AKAP13: variants seen among roughly 807,000 people sequenced by gnomAD.
The protein encoded by AKAP13 is A-kinase anchoring protein 13, also known as A-kinase anchor protein 13.
Under a neutral mutation model 264.5 loss-of-function variants are expected in AKAP13, and 80 were observed. The ratio of observed to expected loss-of-function variants is 0.30; its 90% CI spans 0.25 to 0.36. The LOEUF (loss-of-function observed/expected upper bound fraction) is 0.36. AKAP13 is among the 10% of genes least tolerant of loss of function. The pLI is 1.00. For missense variants in AKAP13, 3,712 were observed against 3,435.2 expected (o/e 1.08, Z -2.01); for synonymous variants, 1,380 against 1,250.2 (o/e 1.10, Z -2.19).
At chr15:85,530,169 C>T (rs111917566) in intron 3 of AKAP13, among the ~76,000 whole-genome samples, 4 of 152,252 alleles carry the variant, frequency 2.6e-5, no homozygotes, top group African/African-American at 9.6e-5. Context: ...ACAACCCCCG[C>T]GCCCCAACAC....
intron 1 of AKAP13, among the ~76,000 whole-genome samples, chr15:85,439,742 T>G (rs1414654452): frequency 7.0e-6 from 1 of 142,728 alleles, no homozygotes; most frequent in Non-Finnish European, 1.5e-5. Flanking sequence ...ACACCGCATA[T>G]TCTCACTCAT....
At chr15:85,587,851 T>C (rs1386009789) in intron 8 of AKAP13, among the ~76,000 whole-genome samples, 1 of 152,190 alleles carries the variant, frequency 6.6e-6, no homozygotes, top group East Asian at 1.9e-4. Context: ...TTTTGCCATA[T>C]TGGCCAGGCT....
At chr15:85,546,090 G>A (rs1436967253) in intron 5 of AKAP13, among the ~76,000 whole-genome samples, 1 of 151,960 alleles carries the variant, frequency 6.6e-6, no homozygotes, top group Admixed American at 6.6e-5. Context: ...GTCTTTCTGT[G>A]TCTGTCTTTT....
At chr15:85,677,044 ACT>A (rs2084265641) in intron 14 of AKAP13, 8 of 984,928 alleles carry the variant, frequency 8.1e-6, no homozygotes, top group Admixed American at 6.2e-5. Context: ...TAAGTCTAAA[ACT>A]CTCTTTTCTC....
intron 16 of AKAP13, among the ~76,000 whole-genome samples, chr15:85,690,920 C>G (rs1402813428): frequency 6.6e-6 from 1 of 152,164 alleles, no homozygotes; most frequent in Non-Finnish European, 1.5e-5. Flanking sequence ...GAGATAATAC[C>G]TAGTATTATC....
At chr15:85,635,943 A>G (rs1162421132) in intron 8 of AKAP13, among the ~76,000 whole-genome samples, 1 of 152,156 alleles carries the variant, frequency 6.6e-6, no homozygotes, top group East Asian at 1.9e-4. Context: ...TCTGCTGTTT[A>G]ATATCACCCC....
chr15:85,700,408 G>C (rs1396285433), intron 17 of AKAP13, among the ~76,000 whole-genome samples: 4 of 152,142 alleles, frequency 2.6e-5, no homozygotes, highest in African/African-American at 9.7e-5. Flanking sequence ...TATCAGTGTC[G>C]TATGTGCTAG....
intron 17 of AKAP13, among the ~76,000 whole-genome samples, chr15:85,701,543 G>A (rs897692525): frequency 3.3e-5 from 5 of 152,044 alleles, no homozygotes; most frequent in African/African-American, 1.2e-4. Context: ...AGGTTCAAGC[G>A]ATTCTTCTGC....
Position 85,527,863 on chromosome 15 carries a change from TAG to T in AKAP13, c.182-5717_182-5716del, listed in dbSNP as rs375979299. Among the ~76,000 whole-genome samples the T allele has an allele frequency of 3.9e-5, 6 of 152,368 alleles. No individual in the cohort carries two copies. In the East Asian group the frequency reaches 1.2e-3, roughly 29 times the overall value. ...AAGGAAGAAAAAGACACCAGATTTT[TAG>T]AGACTTTGATGCGAAACTGAAGTAA... On this transcript the variant is annotated intron_variant, in intron 3 of 36. Coordinates refer to ENST00000394518, the MANE Select transcript of AKAP13 (RefSeq NM_007200.5).
At chr15:85,652,709 C>T (rs2082912989) in intron 10 of AKAP13, among the ~76,000 whole-genome samples, 2 of 152,166 alleles carry the variant, frequency 1.3e-5, no homozygotes, top group South Asian at 4.1e-4. Context: ...GGGCTGCTTT[C>T]CTTCTGTAGG....
intron 9 of AKAP13, among the ~76,000 whole-genome samples, 174 bp downstream of exon 9, chr15:85,639,623 A>G (rs1057448969): frequency 2.0e-4 from 18 of 88,116 alleles, no homozygotes; most frequent in African/African-American, 6.7e-4. Flanking sequence ...ACATGTAATT[A>G]CCGAATTTTG....
chr15:85,653,021 C>T (rs930253858), intron 10 of AKAP13, among the ~76,000 whole-genome samples: 3 of 152,102 alleles, frequency 2.0e-5, no homozygotes, highest in African/African-American at 4.8e-5. Flanking sequence ...TTATTCAACC[C>T]AGTACAGTGA....
chr15:85,409,245 T>C (rs1334354099), intron 1 of AKAP13, among the ~76,000 whole-genome samples: 1 of 151,900 alleles, frequency 6.6e-6, no homozygotes, highest in Non-Finnish European at 1.5e-5. Flanking sequence ...AGGCACGATC[T>C]CTGCTCACTG....
chr15:85,458,454 T>G (rs2074375967), intron 1 of AKAP13, among the ~76,000 whole-genome samples: 1 of 150,202 alleles, frequency 6.7e-6, no homozygotes, highest in Non-Finnish European at 1.5e-5. Flanking sequence ...TAGTTATCAC[T>G]TTACATTGAT....
At chr15:85,500,988 A>G (rs1275751773) in intron 2 of AKAP13, among the ~76,000 whole-genome samples, 1 of 152,166 alleles carries the variant, frequency 6.6e-6, no homozygotes, top group Non-Finnish European at 1.5e-5. Context: ...GCGATGGTAC[A>G]TTCCTTTTTT....
intron 8 of AKAP13, among the ~76,000 whole-genome samples, chr15:85,633,269 TTACTTATC>T (rs1404156815): frequency 6.6e-6 from 1 of 152,110 alleles, no homozygotes; most frequent in Non-Finnish European, 1.5e-5. Context: ...TCCACATTCT[TTACTTATC>T]ACTAAAGAAT....
At chr15:85,441,216 G>T (rs529810989) in intron 1 of AKAP13, among the ~76,000 whole-genome samples, 7 of 147,800 alleles carry the variant, frequency 4.7e-5, no homozygotes, top group Non-Finnish European at 9.2e-5. Flanking sequence ...TTTTTTTAAT[G>T]GCCGTTCTGG....
intron 5 of AKAP13, among the ~76,000 whole-genome samples, chr15:85,560,128 T>TA (rs55715424): frequency 0.027 from 1,465 of 54,568 alleles, 71 homozygotes; most frequent in African/African-American, 0.075. Flanking sequence ...TGTCTCCACC[T>TA]AAAAAAAAAA....
At chr15:85,685,054 AC>A in intron 16 of AKAP13, 181 bp downstream of exon 16, 1 of 727,172 alleles carries the variant, frequency 1.4e-6, no homozygotes, top group Non-Finnish European at 2.1e-6. Flanking sequence ...AAGTGGAACT[AC>A]CAGTTACTGA....
Sources: allele counts gnomAD v4.1 joint callset (sites outside exome capture counted in the v4.1 genomes callset), GRCh38; gene constraint gnomAD v4.1.1; transcripts MANE v1.5; gene names NCBI Gene and HGNC (gene_info 2026-07-23, HGNC 2026-07-21).